The following SCAI variants were observed in gnomAD, a reference collection of about 807,000 sequenced individuals.
The protein encoded by SCAI is suppressor of cancer cell invasion.
SCAI carries 24 observed loss-of-function variants against 92.2 expected under a neutral mutation model. The ratio of observed to expected loss-of-function variants is 0.26; its 90% confidence interval spans 0.19 to 0.37. The LOEUF (loss-of-function observed/expected upper bound fraction) is 0.37. Among genes scored for constraint, SCAI ranks in the 10% least tolerant of loss-of-function variants. The pLI is 1.00. For missense variants in SCAI, 450 were observed against 736.2 expected, an observed-to-expected ratio of 0.61 and a Z score of 4.50; for synonymous variants, 261 against 258.6, an observed-to-expected ratio of 1.01 and a Z score of -0.09.
At chr9:125,097,821 C>T (rs572923635) in intron 2 of SCAI, among the ~76,000 whole-genome samples, 2 of 151,516 alleles carry the variant, frequency 1.3e-5, no homozygotes, top group South Asian at 4.2e-4. Flanking sequence ...TTTCGTGAAC[C>T]TTCAAGAATT....
intron 17 of SCAI, among the ~76,000 whole-genome samples, chr9:124,955,308 G>C (rs1357842232): frequency 2.6e-5 from 4 of 151,664 alleles, no homozygotes; most frequent in African/African-American, 9.7e-5. Context: ...AAACAGAAAA[G>C]AGAAACAGCT....
intron 2 of SCAI, among the ~76,000 whole-genome samples, chr9:125,106,122 A>AAAAAAAAATATTTATTT (rs1554791724): frequency 1.1e-4 from 1 of 8,858 alleles, no homozygotes; most frequent in Non-Finnish European, 2.7e-4. Flanking sequence ...AAAAAAAAAA[A>AAAAAAAAATATTTATTT]ATATATATAT....
chr9:125,115,148 G>A (rs757945423), intron 2 of SCAI, among the ~76,000 whole-genome samples: 38 of 151,986 alleles, frequency 2.5e-4, no homozygotes, highest in Admixed American at 1.3e-3. Context: ...CGAGGTGGGC[G>A]GATCACGAGG....
intron 2 of SCAI, among the ~76,000 whole-genome samples, chr9:125,133,262 C>T (rs142118945): frequency 2.2e-4 from 34 of 151,450 alleles, no homozygotes; most frequent in East Asian, 1.8e-3. Context: ...TGGTAGCAGG[C>T]GCCTTAATCG....
intron 6 of SCAI, among the ~76,000 whole-genome samples, chr9:125,021,091 G>A (rs915122003): frequency 2.6e-5 from 4 of 152,066 alleles, no homozygotes; most frequent in African/African-American, 7.2e-5. Flanking sequence ...AAAATATACA[G>A]GAGAGAGATA....
intron 3 of SCAI, among the ~76,000 whole-genome samples, chr9:125,052,937 A>G (rs1158747211): frequency 6.6e-6 from 1 of 152,058 alleles, no homozygotes; most frequent in Non-Finnish European, 1.5e-5. Flanking sequence ...GTAAGTGTTG[A>G]TGAGAATGAG....
At chr9:125,007,394 A>G (rs551020247) in intron 9 of SCAI, among the ~76,000 whole-genome samples, 23 of 152,272 alleles carry the variant, frequency 1.5e-4, no homozygotes, top group Admixed American at 1.4e-3. Flanking sequence ...AAAATCTACT[A>G]AAAAATAAAA....
rs1158211761 is a variant in SCAI at position 125,029,514 on chromosome 9, A to G, written c.326+130T>C. On this transcript the variant is annotated intron_variant, in intron 4 of 17. Coordinates refer to ENST00000336505, the MANE Select transcript of SCAI (RefSeq NM_001144877.3). ...AATATGTTATTTTAAAAGCACCAAG[A>G]TTTACCTTTGCTTTGTTGGTGAAAA... The G allele has an allele frequency of 9.7e-6, 5 of 516,966 alleles. No homozygotes were observed. In the Admixed American group the frequency reaches 1.4e-4, roughly 15 times the overall value. 32.0% of individuals were successfully genotyped at this position (516,966 alleles called of 1,614,324 possible).
intron 2 of SCAI, among the ~76,000 whole-genome samples, chr9:125,138,624 C>T (rs1439513643): frequency 6.6e-6 from 1 of 152,042 alleles, no homozygotes; most frequent in Non-Finnish European, 1.5e-5. Flanking sequence ...CTGTGTTAGC[C>T]AGGATGGTCT....
intron 3 of SCAI, among the ~76,000 whole-genome samples, chr9:125,043,774 A>G (rs1298140224): frequency 6.6e-6 from 1 of 152,188 alleles, no homozygotes; most frequent in African/African-American, 2.4e-5. Flanking sequence ...TGGTGGTGGC[A>G]GCCCATCTGG....
intron 17 of SCAI, among the ~76,000 whole-genome samples, chr9:124,957,842 A>G (rs1314984739): frequency 6.7e-6 from 1 of 150,276 alleles, no homozygotes; most frequent in Non-Finnish European, 1.5e-5. Context: ...GCCACCACAC[A>G]CAGCTAATTT....
In SCAI at chr9:125,052,049, A is replaced by C. The variant is rs557595724; in HGVS notation, c.230+3827T>G. The stretch of plus-strand genomic sequence containing the variant: ...GTGACAAAGCAAGGCTCCATCTCAA[A>C]AAAATTAATTAAAATAAAAAGAACT... On this transcript the variant is annotated intron_variant, in intron 3 of 17. Transcript: ENST00000336505. Among the ~76,000 whole-genome samples the C allele has an allele frequency of 2.0e-5, 3 of 152,334 alleles. No individual in the cohort carries two copies. The East Asian group carries it at 5.8e-4, about 29-fold the overall frequency.
In SCAI at chr9:124,968,836, C is replaced by T. The variant is rs1397336807; in HGVS notation, c.1674+2534G>A. 17 of 650,366 alleles carry T rather than the reference C, an allele frequency of 2.6e-5. No individual in the cohort carries two copies. In the East Asian group the frequency reaches 3.8e-4, roughly 15 times the overall value. 40.3% of individuals were successfully genotyped at this position (650,366 alleles called of 1,614,324 possible). ...CAGCCATAGAGCGGGGCCAATTCTG[C>T]TGGCCGCAGGGCCCAGGTGAGCAAT... is the stretch of plus-strand genomic sequence containing the variant. On this transcript the variant is annotated intron_variant, in intron 17 of 17. Coordinates refer to ENST00000336505, the MANE Select transcript of SCAI (RefSeq NM_001144877.3).
Position 124,971,457 on chromosome 9 carries a change from G to C in SCAI, c.1587C>G (p.Leu529=). ...THSRSIDQAF[L]QFFGDEFLRL... is the part of the protein sequence containing the mutation. ...GAAGAAATTCATCTCCAAAAAACTG[G>C]AGAAATGCCTGATCTGCAAAGAGGA... Residue 529 remains leucine, a synonymous_variant, in exon 17 of 18, where the codon CTC becomes CTG. Transcript: ENST00000336505. 1.2e-6 allele frequency: 2 copies of C among 1,609,740 alleles called. No homozygotes were observed. The highest frequency in any genetic ancestry group is 1.7e-6 in the Non-Finnish European group (2 of 1,177,760).
At chr9:125,127,493 G>C (rs1378348910) in intron 2 of SCAI, among the ~76,000 whole-genome samples, 3 of 150,638 alleles carry the variant, frequency 2.0e-5, no homozygotes, top group Non-Finnish European at 4.4e-5. Context: ...GAATCCCAAA[G>C]TGCTGGGGTT....
intron 4 of SCAI, among the ~76,000 whole-genome samples, chr9:125,029,303 G>A (rs1242473799): frequency 6.6e-6 from 1 of 151,748 alleles, no homozygotes; most frequent in Non-Finnish European, 1.5e-5. Flanking sequence ...TGTGTATTTT[G>A]TAGAGATAGG....
At chr9:125,073,305 C>T (rs1231596993) in intron 2 of SCAI, among the ~76,000 whole-genome samples, 3 of 150,616 alleles carry the variant, frequency 2.0e-5, no homozygotes, top group East Asian at 1.9e-4. Flanking sequence ...GGGGTTTCAC[C>T]GTGTTAGCCA....
intron 3 of SCAI, among the ~76,000 whole-genome samples, chr9:125,049,558 C>T (rs1400719565): frequency 1.3e-5 from 2 of 152,162 alleles, no homozygotes; most frequent in African/African-American, 4.8e-5. Context: ...TCATCCAATT[C>T]TTATTTTTCT....
At chr9:125,131,915 G>A (rs1489987005) in intron 2 of SCAI, among the ~76,000 whole-genome samples, 1 of 152,036 alleles carries the variant, frequency 6.6e-6, no homozygotes, top group South Asian at 2.1e-4. Context: ...TAAACTCCTG[G>A]AGATAAACAC....
Sources: allele counts gnomAD v4.1 joint callset (sites outside exome capture counted in the v4.1 genomes callset), GRCh38; gene constraint gnomAD v4.1.1; transcripts MANE v1.5; gene names NCBI Gene and HGNC (gene_info 2026-07-23, HGNC 2026-07-21).